LTBP1: variants seen among roughly 807,000 people sequenced by gnomAD.
LTBP1 encodes the protein latent-transforming growth factor beta-binding protein 1.
In LTBP1, 129 loss-of-function variants were observed where a neutral mutation model predicts 207.6. The observed-to-expected ratio is 0.62, with a 90% CI of 0.54 to 0.72. The LOEUF (loss-of-function observed/expected upper bound fraction) is 0.72. Among genes scored for constraint, LTBP1 ranks in the 30% least tolerant of loss-of-function variants. LTBP1 has a pLI of 0.00. For synonymous variants in LTBP1, 963 were observed against 833.7 expected (o/e 1.16, Z -2.67); for missense variants, 2,281 against 2,217.2 (o/e 1.03, Z -0.58).
intron 31 of LTBP1, among the ~76,000 whole-genome samples, chr2:33,385,988 G>T (rs372797561): frequency 7.2e-5 from 11 of 152,096 alleles, no homozygotes; most frequent in African/African-American, 2.7e-4. Flanking sequence ...CATGGCAGGG[G>T]AAGAAAGGAA....
chr2:33,057,020 A>G (rs1332285971), intron 3 of LTBP1, among the ~76,000 whole-genome samples: 1 of 152,060 alleles, frequency 6.6e-6, no homozygotes, highest in African/African-American at 2.4e-5. Context: ...CCACGTCCCC[A>G]CTAGATTAGC....
intron 2 of LTBP1, among the ~76,000 whole-genome samples, chr2:33,020,502 G>A (rs906434212): frequency 2.0e-5 from 3 of 152,174 alleles, no homozygotes; most frequent in African/African-American, 7.2e-5. Context: ...ATTTCTGGGA[G>A]GCAGATGCAG....
At chr2:32,972,744 T>A (rs1681102393) in intron 2 of LTBP1, among the ~76,000 whole-genome samples, 1 of 152,166 alleles carries the variant, frequency 6.6e-6, no homozygotes, top group Non-Finnish European at 1.5e-5. Flanking sequence ...GTTTTAAAAG[T>A]GGCAGTTTCC....
intron 2 of LTBP1, among the ~76,000 whole-genome samples, chr2:32,986,190 G>A (rs1463899362): frequency 6.6e-6 from 1 of 152,110 alleles, no homozygotes; most frequent in African/African-American, 2.4e-5. Flanking sequence ...TTTAGTCTGG[G>A]AAATCCGGGC....
At chr2:33,023,306 C>T (rs1189235184) in intron 3 of LTBP1, among the ~76,000 whole-genome samples, 2 of 152,036 alleles carry the variant, frequency 1.3e-5, no homozygotes, top group Non-Finnish European at 2.9e-5. Context: ...AGAATTTGAC[C>T]CTCTATGATG....
intron 5 of LTBP1, among the ~76,000 whole-genome samples, chr2:33,160,066 A>G (rs2084326646): frequency 6.6e-6 from 1 of 152,046 alleles, no homozygotes; most frequent in South Asian, 2.1e-4. Context: ...TTTGGTAGAG[A>G]TGGGGTTTCA....
chr2:33,159,662 A>G (rs947453662), intron 5 of LTBP1, among the ~76,000 whole-genome samples: 15 of 152,280 alleles, frequency 9.9e-5, no homozygotes, highest in African/African-American at 3.6e-4. Flanking sequence ...CTATGTCATC[A>G]TCTTCAGGAT....
Position 33,360,754 on chromosome 2 carries a change from C to T in LTBP1, c.4158C>T (p.Ile1386=), listed in dbSNP as rs1044578337. ...TGGGATGGGGAGATAACTGCGAAAT[C>T]TTCCCCTGCCCGGTCTTGGGAACTG... ...SGVGWGDNCE[I]FPCPVLGTAE... The change falls in exon 27 of 34, where the codon ATC becomes ATT. Residue 1386 remains isoleucine, a synonymous_variant. Coordinates refer to ENST00000404816, the MANE Select transcript of LTBP1 (RefSeq NM_206943.4). 2 of 1,614,004 alleles carry T rather than the reference C, an allele frequency of 1.2e-6. No individual in the cohort carries two copies. Among genetic ancestry groups the T allele is most frequent in the East Asian group, 4.5e-5 (2 of 44,880 alleles).
chr2:32,977,140 A>C (rs1371668733), intron 2 of LTBP1, among the ~76,000 whole-genome samples: 1 of 152,240 alleles, frequency 6.6e-6, no homozygotes, highest in African/African-American at 2.4e-5. Flanking sequence ...AAGCTCTAGC[A>C]GGCATGGCCT....
Position 33,188,596 on chromosome 2 carries a change from A to G in LTBP1, c.1446A>G (p.Ile482Met), listed in dbSNP as rs1182821871. The G allele has an allele frequency of 3.1e-6, 5 of 1,612,968 alleles. No homozygotes were observed. The highest frequency in any genetic ancestry group is 4.5e-5 in the East Asian group (2 of 44,880). Reference protein sequence around the residue: ...QGVKVKFPPNIVNIHVKHPPE... With the variant: ...QGVKVKFPPNMVNIHVKHPPE... ...TTGTAGTGAAATTTCCTCCTAACAT[A>G]GTCAATATCCATGTGAAACATCCTC... Residue 482 changes from isoleucine (I) to methionine (M), a missense_variant, in exon 7 of 34, where the codon ATA becomes ATG. This residue lies in a region of LTBP1 where 1,671 missense variants were observed against 1,634.8 expected (regional missense o/e 1.02). Coordinates refer to ENST00000404816, the MANE Select transcript of LTBP1 (RefSeq NM_206943.4).
At chr2:33,189,394 C>G (rs543268232) in intron 7 of LTBP1, among the ~76,000 whole-genome samples, 19 of 152,136 alleles carry the variant, frequency 1.2e-4, no homozygotes, top group Non-Finnish European at 2.6e-4. Context: ...TGGGGTTTCA[C>G]CATGTTGGCC....
At chr2:33,183,551 C>T (rs1573031841) in intron 5 of LTBP1, among the ~76,000 whole-genome samples, 1 of 152,220 alleles carries the variant, frequency 6.6e-6, no homozygotes, top group Non-Finnish European at 1.5e-5. Context: ...TAAGTGAAGT[C>T]TGAACCACGT....
At chr2:33,154,418 T>C (rs542610056) in intron 5 of LTBP1, among the ~76,000 whole-genome samples, 77 of 152,346 alleles carry the variant, frequency 5.1e-4, no homozygotes, top group African/African-American at 1.8e-3. Flanking sequence ...AGAATCTGAA[T>C]GTACTGGCAT....
At chr2:33,272,233 A>T (rs1558923485) in intron 15 of LTBP1, among the ~76,000 whole-genome samples, 2 of 152,208 alleles carry the variant, frequency 1.3e-5, no homozygotes, top group Non-Finnish European at 2.9e-5. Flanking sequence ...TCTGTGTTAA[A>T]GCACTGTTTT....
intron 3 of LTBP1, among the ~76,000 whole-genome samples, chr2:33,100,243 C>T (rs960318249): frequency 9.2e-5 from 14 of 152,168 alleles, no homozygotes; most frequent in African/African-American, 3.4e-4. Flanking sequence ...GTGAAGAGTG[C>T]GAGAGTGCAG....
chr2:33,265,295 A>T (rs1196457787), intron 15 of LTBP1, among the ~76,000 whole-genome samples: 1 of 152,240 alleles, frequency 6.6e-6, no homozygotes, highest in Non-Finnish European at 1.5e-5. Flanking sequence ...ATATGTATAA[A>T]AAACTTCAGA....
intron 9 of LTBP1, 31 bp from the exon 10 acceptor site, chr2:33,243,631 G>C (rs536482825): frequency 6.2e-7 from 1 of 1,610,764 alleles, no homozygotes; most frequent in South Asian, 1.1e-5. Flanking sequence ...GGGCTTGACT[G>C]CTCCTTCTAA....
chr2:33,208,234 C>T (rs2090024234), intron 7 of LTBP1, among the ~76,000 whole-genome samples: 1 of 152,196 alleles, frequency 6.6e-6, no homozygotes, highest in Admixed American at 6.5e-5. Context: ...ATTTATGGGA[C>T]ATACCTGTAC....
intron 2 of LTBP1, among the ~76,000 whole-genome samples, chr2:32,989,346 A>G (rs1249135549): frequency 6.6e-6 from 1 of 152,254 alleles, no homozygotes; most frequent in Non-Finnish European, 1.5e-5. Context: ...GATTCCAAAG[A>G]TACAATTAAT....
Sources: gnomAD v4.1 joint callset for allele counts (sites outside exome capture counted in the v4.1 genomes callset) on GRCh38, gnomAD v4.1.1 for gene constraint, gnomAD v4.1.1 regional missense constraint, MANE v1.5 for transcripts, NCBI Gene and HGNC (gene_info 2026-07-23, HGNC 2026-07-21) for gene names.